The following SMURF2 variants were observed in gnomAD, a reference collection of about 807,000 sequenced individuals.
SMURF2 encodes E3 ubiquitin-protein ligase SMURF2.
In SMURF2, 48 loss-of-function variants were observed where a neutral mutation model predicts 109.6. The ratio of observed to expected loss-of-function variants is 0.44; its 90% CI spans 0.35 to 0.56. The LOEUF is 0.56. Among genes scored for constraint, SMURF2 ranks in the 20% least tolerant of loss-of-function variants. The probability of loss-of-function intolerance (pLI) is 0.01; values close to 1 mark genes in which losing one functional copy is unlikely to be tolerated. For missense variants in SMURF2, 575 were observed against 909.0 expected, an observed-to-expected ratio of 0.63 and a Z score of 4.72; for synonymous variants, 288 against 317.1, an observed-to-expected ratio of 0.91 and a Z score of 0.97.
At chr17:64,592,665 T>C (rs1433079179) in intron 4 of SMURF2, among the ~76,000 whole-genome samples, 2 of 152,176 alleles carry the variant, frequency 1.3e-5, no homozygotes, top group African/African-American at 4.8e-5. Context: ...TTTTACATTA[T>C]ATAAAAAAGA....
intron 1 of SMURF2, among the ~76,000 whole-genome samples, chr17:64,608,607 AT>A (rs1234137970): frequency 6.6e-6 from 1 of 152,176 alleles, no homozygotes; most frequent in African/African-American, 2.4e-5. Flanking sequence ...GGTAATGATG[AT>A]TTTTTTAAAC....
chr17:64,658,942 G>T (rs1436739238), intron 1 of SMURF2, among the ~76,000 whole-genome samples: 3 of 152,182 alleles, frequency 2.0e-5, no homozygotes, highest in Non-Finnish European at 4.4e-5. Context: ...GTAGCTTGAT[G>T]GATGAAATCA....
chr17:64,552,112 G>A (rs1450279727), intron 15 of SMURF2, among the ~76,000 whole-genome samples: 1 of 152,168 alleles, frequency 6.6e-6, no homozygotes, highest in Non-Finnish European at 1.5e-5. Flanking sequence ...TGAATGTGTT[G>A]GGTGTTTTGT....
chr17:64,644,277 C>T (rs952402955), intron 1 of SMURF2, among the ~76,000 whole-genome samples: 2 of 152,210 alleles, frequency 1.3e-5, no homozygotes, highest in East Asian at 3.9e-4. Flanking sequence ...CCGCGCCCAG[C>T]CTCAGCTATG....
At chr17:64,625,743 G>A (rs927555752) in intron 1 of SMURF2, among the ~76,000 whole-genome samples, 2 of 152,170 alleles carry the variant, frequency 1.3e-5, no homozygotes, top group African/African-American at 4.8e-5. Flanking sequence ...GGGGCCCCAT[G>A]ACTCAATTCC....
rs59701513 is a variant in SMURF2 at position 64,637,923 on chromosome 17, C to CAAAAAAAAAAAAAAAAAAAAAAAAAAAAA, written c.52+23905_52+23906insTTTTTTTTTTTTTTTTTTTTTTTTTTTTT. ...CATTGAATGGTTTTGGCGCCCTAGT[C>CAAAAAAAAAAAAAAAAAAAAAAAAAAAAA]AAAAAAAAAAAAAAAAAAAATCAAC... On this transcript the variant is annotated intron_variant, in intron 1 of 18. Transcript: ENST00000262435. Among the ~76,000 whole-genome samples, 94 of 72,506 alleles carry CAAAAAAAAAAAAAAAAAAAAAAAAAAAAA rather than the reference C, an allele frequency of 1.3e-3. 4 individuals are homozygous for CAAAAAAAAAAAAAAAAAAAAAAAAAAAAA. The highest frequency in any genetic ancestry group is 2.1e-3 in the African/African-American group (51 of 24,290). 47.6% of individuals were successfully genotyped at this position (72,506 alleles called of 152,430 possible).
chr17:64,638,065 T>TC lies in SMURF2; in HGVS notation c.52+23763_52+23764insG, dbSNP rs1555692256. Among the ~76,000 whole-genome samples, 15 of 136,630 alleles carry TC rather than the reference T, an allele frequency of 1.1e-4. 1 individual carries two copies. The highest frequency in any genetic ancestry group is 8.5e-4 in the Admixed American group (12 of 14,120). The allele number at this position is 136,630 out of a possible 152,430, so 89.6% of individuals were successfully genotyped here. A position where few individuals can be genotyped will look rare whatever the true frequency, so the allele number is the denominator to read the frequency against. ...GAGTTTTTTTTTTTTCCTTTTTCTTTTTTTTTTTTTTTTTTTTGACAGAGT... is the reference window on the plus strand; with the variant it reads ...GAGTTTTTTTTTTTTCCTTTTTCTTTCTTTTTTTTTTTTTTTTTGACAGAGT... On this transcript the variant is annotated intron_variant, in intron 1 of 18. Transcript: ENST00000262435.
intron 9 of SMURF2, among the ~76,000 whole-genome samples, chr17:64,576,523 G>T (rs762857916): frequency 2.0e-5 from 3 of 151,770 alleles, no homozygotes; most frequent in Admixed American, 6.6e-5. Flanking sequence ...AATTAGCTGG[G>T]TATGGTGGCA....
chr17:64,546,022 T>C (rs1555683076), intron 18 of SMURF2, 75 bp from the exon 19 acceptor site: 3 of 976,294 alleles, frequency 3.1e-6, no homozygotes, highest in Admixed American at 3.6e-5. Flanking sequence ...TATACCAGTA[T>C]AGCCACATCA....
rs782774792 is a variant in SMURF2, at chr17:64,593,453, G to C, written c.321C>G (p.Leu107=). ...GTATCTACTCACAACCAGTGTCTTT[G>C]AGGCGGTTGATGGCATTGGAAAGAA... is the stretch of plus-strand genomic sequence containing the variant. ...VRLLSNAINR[L]KDTGYQRLDL... Residue 107 remains leucine, a synonymous_variant, in exon 4 of 19, where the codon CTC becomes CTG. Coordinates refer to ENST00000262435, the MANE Select transcript of SMURF2 (RefSeq NM_022739.4). 6.2e-7 allele frequency: 1 copy of C among 1,608,640 alleles called. No homozygotes were observed. Among genetic ancestry groups the C allele is most frequent in the East Asian group, 2.2e-5 (1 of 44,842 alleles).
intron 1 of SMURF2, 74 bp from the exon 2 acceptor site, chr17:64,606,714 C>T (rs1384413680): frequency 1.0e-5 from 11 of 1,094,264 alleles, no homozygotes; most frequent in South Asian, 3.1e-5. Context: ...TTTTAAAACA[C>T]GGAAAACAGC....
chr17:64,590,280 T>A (rs1969732996), intron 5 of SMURF2, among the ~76,000 whole-genome samples: 6 of 151,968 alleles, frequency 3.9e-5, no homozygotes, highest in Admixed American at 3.9e-4. Flanking sequence ...TAGCTGGGAT[T>A]ACAGGCACCT....
intron 16 of SMURF2, among the ~76,000 whole-genome samples, chr17:64,551,001 G>A (rs992604303): frequency 5.9e-5 from 9 of 152,046 alleles, no homozygotes; most frequent in Admixed American, 3.3e-4. Context: ...TATAAGTCAC[G>A]AAATCTGTTT....
chr17:64,648,085 A>AAAAAC (rs1970585343), intron 1 of SMURF2, among the ~76,000 whole-genome samples: 3 of 138,874 alleles, frequency 2.2e-5, no homozygotes, highest in Non-Finnish European at 4.7e-5. Flanking sequence ...AAAAAAAAAA[A>AAAAAC]AAAAAAACAG....
At chr17:64,625,201 A>G (rs1970252678) in intron 1 of SMURF2, among the ~76,000 whole-genome samples, 1 of 152,184 alleles carries the variant, frequency 6.6e-6, no homozygotes, top group Non-Finnish European at 1.5e-5. Flanking sequence ...TGCCAAAACT[A>G]TATCCTCCCA....
intron 5 of SMURF2, among the ~76,000 whole-genome samples, chr17:64,587,679 A>G (rs2144648300): frequency 6.6e-6 from 1 of 152,318 alleles, no homozygotes; most frequent in East Asian, 1.9e-4. Context: ...GATCAGTTCA[A>G]CACAGAGCTC....
chr17:64,549,255 G>A (rs1444344880), intron 16 of SMURF2, among the ~76,000 whole-genome samples: 1 of 112,450 alleles, frequency 8.9e-6, no homozygotes, highest in Non-Finnish European at 1.7e-5. Flanking sequence ...AAGTGAGACT[G>A]TGTCTCCAAA....
chr17:64,658,903 CAT>C (rs1373458103), intron 1 of SMURF2, among the ~76,000 whole-genome samples: 1 of 152,140 alleles, frequency 6.6e-6, no homozygotes, highest in Non-Finnish European at 1.5e-5. Flanking sequence ...TTTCAATGAT[CAT>C]ATGTTAATGT....
intron 10 of SMURF2, among the ~76,000 whole-genome samples, chr17:64,570,484 T>C (rs1483916499): frequency 2.6e-5 from 4 of 152,172 alleles, no homozygotes; most frequent in African/African-American, 9.7e-5. Flanking sequence ...TGTTCTCTCT[T>C]TTCCTCCTCC....
Sources: gnomAD v4.1 joint callset for allele counts (sites outside exome capture counted in the v4.1 genomes callset) on GRCh38, gnomAD v4.1.1 for gene constraint, MANE v1.5 for transcripts, NCBI Gene and HGNC (gene_info 2026-07-23, HGNC 2026-07-21) for gene names.